The following SPINK4 variants were observed in gnomAD, a reference collection of about 807,000 sequenced individuals.
The protein encoded by SPINK4 is serine protease inhibitor Kazal-type 4.
In SPINK4, 10 loss-of-function variants were observed where a neutral mutation model predicts 12.3. The ratio of observed to expected loss-of-function variants is 0.81; its 90% CI spans 0.50 to 1.37. The LOEUF is 1.37. Ranked by LOEUF, SPINK4 falls within the 40% of genes most tolerant of loss-of-function variation. SPINK4 has a pLI of 0.00. For missense variants in SPINK4, 91 were observed against 109.0 expected (o/e 0.84, Z 0.73); for synonymous variants, 37 against 40.2 (o/e 0.92, Z 0.30).
chr9:33,248,235 G>A (rs1003250723), intron 3 of SPINK4, 191 bp from the exon 4 acceptor site: 1 of 596,572 alleles, frequency 1.7e-6, no homozygotes, highest in African/African-American at 1.9e-5. Context: ...AAATCCCCCA[G>A]GGGAAGGGTG....
rs560575444 is a variant in SPINK4, at chr9:33,241,887, A to T, written c.61+1618A>T. Among the ~76,000 whole-genome samples the T allele has an allele frequency of 1.5e-3, 223 of 151,034 alleles. 4 individuals are homozygous for T. Among genetic ancestry groups the T allele is most frequent in the Admixed American group, 0.013 (190 of 15,172 alleles). ...AATTTTTTTTTTTATTTAAACAAAA[A>T]TTTTTTTTTCAAGACAGAGTCTTGC... On this transcript the variant is annotated intron_variant, in intron 1 of 3. Transcript: ENST00000379721.
intron 3 of SPINK4, 119 bp downstream of exon 3, chr9:33,246,847 T>A: frequency 1.3e-6 from 1 of 775,580 alleles, no homozygotes; most frequent in Non-Finnish European, 2.2e-6. Context: ...AGAAGAGTCC[T>A]CCAACATATG....
chr9:33,245,376 T>C (rs963605016), intron 2 of SPINK4, among the ~76,000 whole-genome samples: 2 of 152,166 alleles, frequency 1.3e-5, no homozygotes, highest in African/African-American at 4.8e-5. Context: ...AAAGCCCTTA[T>C]GATGTCCCCC....
At position 33,245,774 on chromosome 9, in the gene SPINK4, G is replaced by A. The variant is rs549536089; in HGVS notation, c.102+622G>A. On this transcript the variant is annotated intron_variant, in intron 2 of 3. Transcript: ENST00000379721. ...CGTCAGTCCATCAGAATCCAGCCCC[G>A]CTTATTCAGTGCCAAAGAGCCAAAT... 5.9e-5 allele frequency among the ~76,000 whole-genome samples: 9 copies of A among 152,212 alleles called. No homozygotes were observed. The South Asian group carries it at 1.9e-3, about 32-fold the overall frequency.
At chr9:33,242,002 C>T (rs548437132) in intron 1 of SPINK4, among the ~76,000 whole-genome samples, 3 of 152,300 alleles carry the variant, frequency 2.0e-5, no homozygotes, top group Admixed American at 1.3e-4. Flanking sequence ...GCCTCAGCCT[C>T]CTGAGTAGCT....
intron 2 of SPINK4, 54 bp from the exon 3 acceptor site, chr9:33,246,562 C>A: frequency 1.3e-6 from 2 of 1,493,806 alleles, no homozygotes; most frequent in South Asian, 2.3e-5. Flanking sequence ...ACCCCTGTAT[C>A]CCTCCCCACT....
At position 33,243,419 on chromosome 9, in the gene SPINK4, A is replaced by C. The variant is rs182689501; in HGVS notation, c.62-1693A>C. On this transcript the variant is annotated intron_variant, in intron 1 of 3. Transcript: ENST00000379721. ...GAGATGAGGTCTTGCTATGTTGCCC[A>C]GGCTGGTCTCAAACTCCTGGCTTCA... 4.4e-3 allele frequency among the ~76,000 whole-genome samples: 674 copies of C among 152,248 alleles called. 3 individuals carry two copies. Among genetic ancestry groups the C allele is most frequent in the Middle Eastern group, 0.01 (3 of 294 alleles).
At chr9:33,242,360 C>G (rs1820245723) in intron 1 of SPINK4, among the ~76,000 whole-genome samples, 2 of 152,174 alleles carry the variant, frequency 1.3e-5, no homozygotes, top group African/African-American at 2.4e-5. Flanking sequence ...TCAAGGACAG[C>G]TTCACTGGGG....
In SPINK4 at chr9:33,246,685, G is replaced by A. The variant is rs1820289267; in HGVS notation, c.172G>A (p.Gly58Arg). The A allele has an allele frequency of 1.2e-6, 2 of 1,613,890 alleles. No individual in the cohort carries two copies. Among genetic ancestry groups the A allele is most frequent in the Non-Finnish European group, 1.7e-6 (2 of 1,180,012 alleles). ...QMSNLVCGTD[G>R]LTYTNECQLC... ...GTCCAACCTGGTCTGCGGCACTGATGGGCTCACATATACGAATGAATGCCA... is the reference window on the plus strand; with the variant it reads ...GTCCAACCTGGTCTGCGGCACTGATAGGCTCACATATACGAATGAATGCCA... The change falls in exon 3 of 4, where the codon GGG becomes AGG. Residue 58 changes from glycine to arginine, a missense_variant. Coordinates refer to ENST00000379721, the MANE Select transcript of SPINK4 (RefSeq NM_014471.3).
rs145914457 is a variant in SPINK4, at chr9:33,248,439, G to C, written c.229G>C (p.Asp77His). ...LCLARIKTKQDIQIMKDGKC is the reference protein window; with the variant it reads ...LCLARIKTKQHIQIMKDGKC ...CTTTGATCCTAGAAAAACCAAACAG[G>C]ACATCCAGATCATGAAAGATGGCAA... is the stretch of plus-strand genomic sequence containing the variant. Residue 77 changes from aspartate to histidine, a missense_variant, in exon 4 of 4, where the codon GAC (aspartate) becomes CAC (histidine). Coordinates refer to ENST00000379721, the MANE Select transcript of SPINK4 (RefSeq NM_014471.3). 12 of 1,613,966 alleles carry C rather than the reference G, an allele frequency of 7.4e-6. No individual in the cohort carries two copies. The highest frequency in any genetic ancestry group is 1.0e-5 in the Non-Finnish European group (12 of 1,180,028).
chr9:33,240,466 C>T (rs774190706), intron 1 of SPINK4, among the ~76,000 whole-genome samples, 197 bp downstream of exon 1: 2 of 152,210 alleles, frequency 1.3e-5, no homozygotes, highest in African/African-American at 4.8e-5. Context: ...TCCTGACTGG[C>T]GCAGAATTAC....
chr9:33,247,134 T>G (rs1288453340), intron 3 of SPINK4, among the ~76,000 whole-genome samples: 7 of 151,382 alleles, frequency 4.6e-5, no homozygotes, highest in Non-Finnish European at 8.8e-5. Context: ...GAAGCCAGGC[T>G]GATAGTCAGC....
intron 1 of SPINK4, among the ~76,000 whole-genome samples, chr9:33,244,350 G>A (rs1016284581): frequency 2.0e-5 from 3 of 152,146 alleles, no homozygotes; most frequent in Non-Finnish European, 4.4e-5. Flanking sequence ...CTCTTTCGTA[G>A]TTCGTTAAAC....
chr9:33,248,279 C>T lies in SPINK4; in HGVS notation c.216-147C>T, dbSNP rs546283978. ...AGGAAAAGCTGTAGAAGGATGTGCC[C>T]ATGGACCCTTGGGATCTGCCCTGTA... is the stretch of plus-strand genomic sequence containing the variant. On this transcript the variant is annotated intron_variant, in intron 3 of 3. Coordinates refer to ENST00000379721, the MANE Select transcript of SPINK4 (RefSeq NM_014471.3). 47 of 710,156 alleles carry T rather than the reference C, an allele frequency of 6.6e-5. No individual in the cohort carries two copies. In the South Asian group the frequency reaches 7.7e-4, roughly 12 times the overall value. The allele number at this position is 710,156 out of a possible 1,614,324, so 44.0% of individuals were successfully genotyped here.
intron 1 of SPINK4, among the ~76,000 whole-genome samples, chr9:33,244,756 G>A (rs1051414164): frequency 6.6e-6 from 1 of 152,206 alleles, no homozygotes; most frequent in Non-Finnish European, 1.5e-5. Context: ...ACAGCAGTAA[G>A]ATAGGGGTGG....
chr9:33,248,365 C>G (rs1399040566), intron 3 of SPINK4, 61 bp from the exon 4 acceptor site: 5 of 1,585,362 alleles, frequency 3.2e-6, no homozygotes. Context: ...GTGCCAGGTC[C>G]CTGAATGGTA....
chr9:33,243,486 A>G (rs1350667907), intron 1 of SPINK4, among the ~76,000 whole-genome samples: 1 of 152,176 alleles, frequency 6.6e-6, no homozygotes, highest in Middle Eastern at 3.2e-3. Flanking sequence ...ATTTTTTTCC[A>G]TCATAGATTA....
chr9:33,245,217 G>C (rs1217226554), intron 2 of SPINK4, 65 bp downstream of exon 2: 1 of 1,537,594 alleles, frequency 6.5e-7, no homozygotes, highest in Non-Finnish European at 8.9e-7. Flanking sequence ...TCCATGCTGA[G>C]AAACCAGTTA....
chr9:33,242,593 A>C (rs706110), intron 1 of SPINK4, among the ~76,000 whole-genome samples: 53,692 of 151,952 alleles, frequency 0.35, 12,082 homozygotes, highest in African/African-American at 0.65. Flanking sequence ...TAAGCAGCTC[A>C]GGTCCATAGG....
Sources: allele counts gnomAD v4.1 joint callset (sites outside exome capture counted in the v4.1 genomes callset), GRCh38; gene constraint gnomAD v4.1.1; transcripts MANE v1.5; gene names NCBI Gene and HGNC (gene_info 2026-07-23, HGNC 2026-07-21).